The following GRM7 variants were observed in gnomAD, a reference collection of about 807,000 sequenced individuals.
GRM7 encodes metabotropic glutamate receptor 7.
GRM7 carries 35 observed loss-of-function variants against 84.5 expected under a neutral mutation model. The observed-to-expected ratio is 0.41, with a 90% confidence interval of 0.32 to 0.55. The LOEUF (loss-of-function observed/expected upper bound fraction) is 0.55, where lower values mean the gene tolerates loss of function less well. Ranked by LOEUF, GRM7 falls within the 20% of genes least tolerant of loss-of-function variation. GRM7 has a pLI of 0.19. For synonymous variants in GRM7, 487 were observed against 455.1 expected (o/e 1.07, Z -0.89); for missense variants, 1,003 against 1,194.6 (o/e 0.84, Z 2.36).
chr3:6,970,635 T>C (rs1693713642), intron 1 of GRM7, among the ~76,000 whole-genome samples: 1 of 152,030 alleles, frequency 6.6e-6, no homozygotes, highest in Admixed American at 6.6e-5. Context: ...GACTTGACTG[T>C]ATGAGAGGGA....
At chr3:7,182,543 C>G (rs1299269957) in intron 2 of GRM7, among the ~76,000 whole-genome samples, 1 of 152,092 alleles carries the variant, frequency 6.6e-6, no homozygotes, top group Non-Finnish European at 1.5e-5. Flanking sequence ...GTAAATCTAG[C>G]AGTTTATGTT....
At chr3:7,083,285 G>A (rs1355693499) in intron 1 of GRM7, among the ~76,000 whole-genome samples, 3 of 152,088 alleles carry the variant, frequency 2.0e-5, no homozygotes, top group Non-Finnish European at 4.4e-5. Flanking sequence ...AAAGATTACA[G>A]CTTGCTGAAG....
chr3:7,439,956 T>G (rs767972139), intron 5 of GRM7, among the ~76,000 whole-genome samples: 1 of 152,120 alleles, frequency 6.6e-6, no homozygotes, highest in Non-Finnish European at 1.5e-5. Context: ...CTCCAGGTTT[T>G]AGTTAAGGAA....
At chr3:7,379,014 C>G (rs989195540) in intron 4 of GRM7, among the ~76,000 whole-genome samples, 2 of 152,164 alleles carry the variant, frequency 1.3e-5, no homozygotes, top group African/African-American at 4.8e-5. Context: ...ACCTTTATAA[C>G]GTCAGCTTTA....
At chr3:7,512,878 C>T (rs967591354) in intron 7 of GRM7, among the ~76,000 whole-genome samples, 6 of 152,052 alleles carry the variant, frequency 3.9e-5, no homozygotes, top group Admixed American at 2.6e-4. Context: ...TGGTGTCTTT[C>T]CCCTGCCCAG....
intron 2 of GRM7, among the ~76,000 whole-genome samples, chr3:7,283,676 A>T (rs553666026): frequency 6.6e-6 from 1 of 152,200 alleles, no homozygotes; most frequent in Non-Finnish European, 1.5e-5. Context: ...AAATACTTTC[A>T]TCAAGAATAT....
intron 8 of GRM7, among the ~76,000 whole-genome samples, chr3:7,654,602 A>G (rs1445882729): frequency 6.6e-6 from 1 of 152,196 alleles, no homozygotes; most frequent in Admixed American, 6.5e-5. Flanking sequence ...CTTTGGAACT[A>G]GGAAGCTCTG....
At chr3:6,906,756 T>A (rs1696592313) in intron 1 of GRM7, among the ~76,000 whole-genome samples, 1 of 152,144 alleles carries the variant, frequency 6.6e-6, no homozygotes, top group Non-Finnish European at 1.5e-5. Flanking sequence ...TTTTCTTATG[T>A]TTTTAGCTGC....
chr3:7,019,682 T>G (rs939712985), intron 1 of GRM7, among the ~76,000 whole-genome samples: 7 of 152,278 alleles, frequency 4.6e-5, no homozygotes, highest in African/African-American at 1.2e-4. Flanking sequence ...AGTCATGTGA[T>G]TATGACTAAT....
intron 2 of GRM7, among the ~76,000 whole-genome samples, chr3:7,275,749 C>T (rs1328551903): frequency 6.6e-6 from 1 of 152,100 alleles, no homozygotes; most frequent in African/African-American, 2.4e-5. Flanking sequence ...TCCTTTCCCC[C>T]ACTCCCAGAT....
intron 8 of GRM7, among the ~76,000 whole-genome samples, chr3:7,593,738 G>A (rs923806674): frequency 2.0e-5 from 3 of 152,154 alleles, no homozygotes; most frequent in African/African-American, 7.2e-5. Flanking sequence ...GGCTATTTAT[G>A]TAGGGCTTTG....
chr3:6,905,628 A>C (rs754097972), intron 1 of GRM7, among the ~76,000 whole-genome samples: 1 of 152,200 alleles, frequency 6.6e-6, no homozygotes, highest in Non-Finnish European at 1.5e-5. Context: ...TGTTAAACAG[A>C]GACAGTAATT....
intron 1 of GRM7, among the ~76,000 whole-genome samples, chr3:7,067,580 C>T (rs1010881451): frequency 1.3e-5 from 2 of 151,912 alleles, no homozygotes; most frequent in African/African-American, 4.8e-5. Flanking sequence ...GTTTTTAATG[C>T]ATGACTCCCA....
chr3:6,985,675 C>T (rs1694381786), intron 1 of GRM7, among the ~76,000 whole-genome samples: 3 of 152,120 alleles, frequency 2.0e-5, no homozygotes, highest in Admixed American at 2.0e-4. Context: ...AACTAAGCTC[C>T]ACTTCTCTTT....
At chr3:7,449,770 A>C (rs906386752) in intron 5 of GRM7, among the ~76,000 whole-genome samples, 6 of 152,152 alleles carry the variant, frequency 3.9e-5, no homozygotes, top group Non-Finnish European at 8.8e-5. Flanking sequence ...GTAAGAGATA[A>C]AATTTTGATT....
chr3:7,603,830 A>G (rs1375424527), intron 8 of GRM7, among the ~76,000 whole-genome samples: 1 of 152,182 alleles, frequency 6.6e-6, no homozygotes, highest in Non-Finnish European at 1.5e-5. Flanking sequence ...TAACTAACTA[A>G]TTTTTAATGA....
chr3:7,402,761 A>C (rs755420812), intron 4 of GRM7, among the ~76,000 whole-genome samples: 5 of 150,536 alleles, frequency 3.3e-5, no homozygotes, highest in Non-Finnish European at 4.4e-5. Flanking sequence ...CTAAGTGGTC[A>C]TGCATTCGGG....
intron 1 of GRM7, among the ~76,000 whole-genome samples, chr3:6,878,759 C>T (rs1277309137): frequency 6.6e-6 from 1 of 152,168 alleles, no homozygotes; most frequent in East Asian, 1.9e-4. Flanking sequence ...TTCTTGAATG[C>T]TCTCAGGAGA....
intron 1 of GRM7, among the ~76,000 whole-genome samples, chr3:6,895,499 CTTA>C (rs1276123689): frequency 6.6e-6 from 1 of 152,088 alleles, no homozygotes; most frequent in Non-Finnish European, 1.5e-5. Flanking sequence ...CTCAAATTCT[CTTA>C]TTATTTTCAT....
Sources: gnomAD v4.1 joint callset for allele counts (sites outside exome capture counted in the v4.1 genomes callset) on GRCh38, gnomAD v4.1.1 for gene constraint, MANE v1.5 for transcripts, NCBI Gene and HGNC (gene_info 2026-07-23, HGNC 2026-07-21) for gene names.